The following SPTLC2 variants were observed in gnomAD, a reference collection of about 807,000 sequenced individuals.
SPTLC2 encodes the protein serine palmitoyltransferase long chain base subunit 2.
In SPTLC2, 21 loss-of-function variants were observed where a neutral mutation model predicts 62.0. That is an observed-to-expected ratio of 0.34 (90% CI 0.24 to 0.49). The LOEUF is 0.49. Among genes scored for constraint, SPTLC2 ranks in the 20% least tolerant of loss-of-function variants. The pLI is 0.99. For missense variants in SPTLC2, 511 were observed against 713.0 expected, an observed-to-expected ratio of 0.72 and a Z score of 3.23; for synonymous variants, 261 against 261.8, an observed-to-expected ratio of 1.00 and a Z score of 0.03.
chr14:77,510,007 AC>A lies in SPTLC2; in HGVS notation c.*2276del. On this transcript the variant is annotated 3_prime_UTR_variant, in exon 12 of 12. Transcript: ENST00000216484. ...TAAGTTTGTGACTTTTACAAACCCTACGTTTACATTAGTAAATAGTAACTGC... is the reference window on the plus strand; with the variant it reads ...TAAGTTTGTGACTTTTACAAACCCTAGTTTACATTAGTAAATAGTAACTGC... 5.0e-6 allele frequency: 2 copies of A among 398,286 alleles called. No individual in the cohort carries two copies. The highest frequency in any genetic ancestry group is 4.4e-6 in the Non-Finnish European group (1 of 225,878). 24.7% of individuals were successfully genotyped at this position (398,286 alleles called of 1,614,324 possible).
intron 5 of SPTLC2, among the ~76,000 whole-genome samples, chr14:77,566,856 C>T (rs2079647992): frequency 7.8e-6 from 1 of 128,498 alleles, no homozygotes; most frequent in Non-Finnish European, 1.8e-5. Flanking sequence ...AGCAATTAAC[C>T]ACCTCACATG....
chr14:77,568,688 G>C (rs2079660031), intron 5 of SPTLC2, among the ~76,000 whole-genome samples: 1 of 151,678 alleles, frequency 6.6e-6, no homozygotes. Context: ...GGCGCCTGTA[G>C]TCCCAGCTAC....
chr14:77,570,749 G>T (rs551975501), intron 4 of SPTLC2, among the ~76,000 whole-genome samples: 1 of 152,104 alleles, frequency 6.6e-6, no homozygotes, highest in Non-Finnish European at 1.5e-5. Context: ...TTCCCCAAAG[G>T]GGGCTGCGAA....
intron 5 of SPTLC2, among the ~76,000 whole-genome samples, chr14:77,565,242 C>CAAAAAAAAAAAA (rs59356054): frequency 2.4e-4 from 8 of 33,706 alleles, no homozygotes; most frequent in African/African-American, 2.7e-4. Flanking sequence ...AACTCCATCT[C>CAAAAAAAAAAAA]AAAAAAAAAA....
Position 77,611,472 on chromosome 14 carries a change from A to AAG in SPTLC2, c.132+4975_132+4976insCT, listed in dbSNP as rs1555379192. On this transcript the variant is annotated intron_variant, in intron 1 of 11. Transcript: ENST00000216484. ...CCCTATCTCGCCAAAAAAAAAAAAAAAAAGAAAGAAAAGAAATTAACGGAA... is the reference window on the plus strand; with the variant it reads ...CCCTATCTCGCCAAAAAAAAAAAAAAAGAAAGAAAGAAAAGAAATTAACGGAA... Among the ~76,000 whole-genome samples the AAG allele has an allele frequency of 5.3e-5, 8 of 151,610 alleles. No individual in the cohort carries two copies. In the South Asian group the frequency reaches 6.2e-4, roughly 12 times the overall value.
rs140041902 is a variant in SPTLC2 at position 77,552,160 on chromosome 14, A to G, written c.1239T>C (p.Pro413=). ...AGGTGATGATCTGCTCCACTACAGG[A>G]GGTGACAATGACGTGGCATACACTG... ...HSAVYATSLS[P]PVVEQIITSM... The change falls in exon 9 of 12, where the codon CCT becomes CCC. Residue 413 remains proline, a synonymous_variant. Transcript: ENST00000216484. 313 of 1,614,168 alleles carry G rather than the reference A, an allele frequency of 1.9e-4. No individual in the cohort carries two copies. The highest frequency in any genetic ancestry group is 1.3e-3 in the Middle Eastern group (8 of 6,062).
Position 77,510,083 on chromosome 14 carries a change from G to A in SPTLC2, c.*2201C>T, listed in dbSNP as rs1274712112. On this transcript the variant is annotated 3_prime_UTR_variant, in exon 12 of 12. Coordinates refer to ENST00000216484, the MANE Select transcript of SPTLC2 (RefSeq NM_004863.4). Reference sequence around the variant, plus strand: ...AGTGGGATTCTATGGTAGGAAACTAGATGTGCAGAAAAGGTTGACAATGTA... The same window carrying A: ...AGTGGGATTCTATGGTAGGAAACTAAATGTGCAGAAAAGGTTGACAATGTA... 5.0e-6 allele frequency: 2 copies of A among 396,672 alleles called. No individual in the cohort carries two copies. The highest frequency in any genetic ancestry group is 4.4e-5 in the Admixed American group (1 of 22,680). The allele number at this position is 396,672 out of a possible 1,614,324, so 24.6% of individuals were successfully genotyped here.
chr14:77,522,598 TG>T (rs1374072805), intron 9 of SPTLC2, among the ~76,000 whole-genome samples: 1 of 152,248 alleles, frequency 6.6e-6, no homozygotes, highest in Non-Finnish European at 1.5e-5. Flanking sequence ...AATTGCCAAC[TG>T]ACTAAATATT....
chr14:77,546,554 A>T (rs952334236), intron 9 of SPTLC2, among the ~76,000 whole-genome samples: 2 of 152,104 alleles, frequency 1.3e-5, no homozygotes, highest in Non-Finnish European at 2.9e-5. Flanking sequence ...CAAGCTGAAC[A>T]AAGGAAGAAT....
At position 77,534,725 on chromosome 14, in the gene SPTLC2, G is replaced by C. The variant is rs1476023835; in HGVS notation, c.1304-13144C>G. ...AGGGGAGAACATATTGTGCACTAGG[G>C]AAGCAGATGTCATTAAAAAAACATA... On this transcript the variant is annotated intron_variant, in intron 9 of 11. Transcript: ENST00000216484. Among the ~76,000 whole-genome samples, 3 of 151,956 alleles carry C rather than the reference G, an allele frequency of 2.0e-5. No individual in the cohort carries two copies. In the East Asian group the frequency reaches 5.8e-4, roughly 29 times the overall value.
intron 2 of SPTLC2, among the ~76,000 whole-genome samples, chr14:77,588,702 GAA>G (rs72452367): frequency 5.6e-5 from 8 of 143,678 alleles, no homozygotes; most frequent in Non-Finnish European, 6.1e-5. Flanking sequence ...TCTCTGAAAA[GAA>G]AAAAAAAAAA....
chr14:77,566,198 C>T (rs376736273), intron 5 of SPTLC2, among the ~76,000 whole-genome samples: 1 of 144,632 alleles, frequency 6.9e-6, no homozygotes, highest in South Asian at 2.2e-4. Flanking sequence ...TTTTAGACAG[C>T]CTTATTCAGC....
chr14:77,536,921 AC>A (rs1379465381), intron 9 of SPTLC2, among the ~76,000 whole-genome samples: 53 of 144,486 alleles, frequency 3.7e-4, no homozygotes, highest in African/African-American at 1.3e-3. Context: ...GTATTCCCCC[AC>A]CCCCCCACTT....
At chr14:77,568,776 C>G (rs1037238393) in intron 5 of SPTLC2, among the ~76,000 whole-genome samples, 1 of 144,772 alleles carries the variant, frequency 6.9e-6, no homozygotes, top group Non-Finnish European at 1.5e-5. Context: ...CCACTGCACT[C>G]CAGCCTGGGC....
In SPTLC2 at chr14:77,541,181, A is replaced by T. The variant is rs376655287; in HGVS notation, c.1303+10915T>A. Reference sequence around the variant, plus strand: ...GTAGCTGGGACTATAGGCATAAGCCACCATGCCTGGGTAATTTTTGTATTT... The same window carrying T: ...GTAGCTGGGACTATAGGCATAAGCCTCCATGCCTGGGTAATTTTTGTATTT... On this transcript the variant is annotated intron_variant, in intron 9 of 11. Transcript: ENST00000216484. 2.6e-4 allele frequency among the ~76,000 whole-genome samples: 39 copies of T among 152,048 alleles called. 1 individual carries two copies. In the South Asian group the frequency reaches 7.9e-3, roughly 31 times the overall value.
intron 9 of SPTLC2, among the ~76,000 whole-genome samples, chr14:77,532,437 A>G (rs1373786779): frequency 6.6e-6 from 1 of 152,178 alleles, no homozygotes; most frequent in Non-Finnish European, 1.5e-5. Flanking sequence ...ATACCCTGCC[A>G]AGATGGGGAG....
intron 9 of SPTLC2, among the ~76,000 whole-genome samples, chr14:77,546,819 T>A (rs888134320): frequency 1.3e-5 from 2 of 151,932 alleles, no homozygotes; most frequent in Admixed American, 6.6e-5. Context: ...CACCGCAACC[T>A]CCTGTGTTCA....
At position 77,545,164 on chromosome 14, in the gene SPTLC2, A is replaced by C. The variant is rs201022664; in HGVS notation, c.1303+6932T>G. 3.0e-4 allele frequency among the ~76,000 whole-genome samples: 46 copies of C among 152,356 alleles called. 1 individual carries two copies. In the East Asian group the frequency reaches 8.3e-3, roughly 27 times the overall value. On this transcript the variant is annotated intron_variant, in intron 9 of 11. Transcript: ENST00000216484. ...AGATAGCAGGGAGGTAGATACAAAT[A>C]AAATATTTAGATAATTAGAAAAACT...
chr14:77,518,422 C>A (rs2079369430), intron 10 of SPTLC2, among the ~76,000 whole-genome samples: 1 of 152,044 alleles, frequency 6.6e-6, no homozygotes, highest in African/African-American at 2.4e-5. Context: ...ATGGTGAAAT[C>A]CCGTCTCTAC....
Sources: gnomAD v4.1 joint callset for allele counts (sites outside exome capture counted in the v4.1 genomes callset) on GRCh38, gnomAD v4.1.1 for gene constraint, MANE v1.5 for transcripts, NCBI Gene and HGNC (gene_info 2026-07-23, HGNC 2026-07-21) for gene names.